TENT5C: variants seen among roughly 807,000 people sequenced by gnomAD.
TENT5C encodes terminal nucleotidyltransferase 5C, also known as family with sequence similarity 46 member C.
A neutral mutation model predicts 22.2 loss-of-function variants in TENT5C; 5 were observed. That is an observed-to-expected ratio of 0.22 (90% CI 0.12 to 0.47). TENT5C has a LOEUF of 0.47. Ranked by LOEUF, TENT5C falls within the 20% of genes least tolerant of loss-of-function variation. TENT5C has a pLI of 0.99. For missense variants in TENT5C, 364 were observed against 500.9 expected (o/e 0.73, Z 2.61); for synonymous variants, 199 against 195.4 (o/e 1.02, Z -0.15).
chr1:117,621,933 G>A (rs1403370003), intron 1 of TENT5C, among the ~76,000 whole-genome samples: 1 of 152,174 alleles, frequency 6.6e-6, no homozygotes, highest in Non-Finnish European at 1.5e-5. Flanking sequence ...ATGAAGTGGT[G>A]TTTTTCTCCT....
intron 1 of TENT5C, among the ~76,000 whole-genome samples, chr1:117,619,915 T>A (rs1653858680): frequency 6.6e-6 from 1 of 152,348 alleles, no homozygotes; most frequent in South Asian, 2.1e-4. Flanking sequence ...ATTGTGGTTT[T>A]GTGATATCTG....
At chr1:117,619,031 G>A (rs531143554) in intron 1 of TENT5C, among the ~76,000 whole-genome samples, 3 of 152,214 alleles carry the variant, frequency 2.0e-5, no homozygotes, top group South Asian at 2.1e-4. Flanking sequence ...AACTGCATGC[G>A]TTTCTGTATT....
intron 1 of TENT5C, among the ~76,000 whole-genome samples, chr1:117,607,088 G>A (rs1263969702): frequency 6.6e-6 from 1 of 152,160 alleles, no homozygotes; most frequent in Non-Finnish European, 1.5e-5. Flanking sequence ...TCAGAGGAGG[G>A]TGACTTACCT....
At chr1:117,609,853 G>A (rs1324930377) in intron 1 of TENT5C, among the ~76,000 whole-genome samples, 1 of 152,172 alleles carries the variant, frequency 6.6e-6, no homozygotes, top group Non-Finnish European at 1.5e-5. Flanking sequence ...TACTTGAAGT[G>A]GGAGTTCTCT....
At chr1:117,617,733 T>C (rs1213295332) in intron 1 of TENT5C, among the ~76,000 whole-genome samples, 1 of 152,226 alleles carries the variant, frequency 6.6e-6, no homozygotes, top group East Asian at 1.9e-4. Context: ...CGTGATTCTT[T>C]TATATGGGGA....
chr1:117,617,697 T>G (rs564915088), intron 1 of TENT5C, among the ~76,000 whole-genome samples: 1 of 152,342 alleles, frequency 6.6e-6, no homozygotes, highest in South Asian at 2.1e-4. Context: ...ACCAGGGCCT[T>G]TCATGAATTG....
At chr1:117,607,147 C>G (rs1355436209) in intron 1 of TENT5C, among the ~76,000 whole-genome samples, 1 of 152,074 alleles carries the variant, frequency 6.6e-6, no homozygotes, top group Non-Finnish European at 1.5e-5. Context: ...CGCTGGCGGG[C>G]GAGAAAACCA....
At chr1:117,620,706 A>AT (rs1288569601) in intron 1 of TENT5C, among the ~76,000 whole-genome samples, 1 of 152,106 alleles carries the variant, frequency 6.6e-6, no homozygotes, top group African/African-American at 2.4e-5. Flanking sequence ...TCAGCAGCAT[A>AT]TTAGATGCTC....
At chr1:117,614,780 A>G (rs1653746517) in intron 1 of TENT5C, among the ~76,000 whole-genome samples, 1 of 152,078 alleles carries the variant, frequency 6.6e-6, no homozygotes, top group African/African-American at 2.4e-5. Context: ...CCCATTCCTG[A>G]TAATCTCCCT....
rs946212225 is a variant in TENT5C, at chr1:117,624,835, T to G, written c.*791T>G. 2.0e-5 allele frequency: 5 copies of G among 247,758 alleles called. No individual in the cohort carries two copies. The highest frequency in any genetic ancestry group is 1.1e-4 in the African/African-American group (5 of 45,360). 15.3% of individuals were successfully genotyped at this position (247,758 alleles called of 1,614,324 possible). A position where few individuals can be genotyped will look rare whatever the true frequency, so the allele number is the denominator to read the frequency against. Reference sequence around the variant, plus strand: ...GGTAGTGGAAGGGGATAATTGTAAATAGGAAACATGAATGTTCATTTTTTT... The same window carrying G: ...GGTAGTGGAAGGGGATAATTGTAAAGAGGAAACATGAATGTTCATTTTTTT... On this transcript the variant is annotated 3_prime_UTR_variant, in exon 2 of 2. Transcript: ENST00000369448.
intron 1 of TENT5C, among the ~76,000 whole-genome samples, chr1:117,616,801 T>C (rs1371416134): frequency 6.6e-6 from 1 of 152,252 alleles, no homozygotes; most frequent in Non-Finnish European, 1.5e-5. Flanking sequence ...TAGTTGCCTC[T>C]GGACTGCTGA....
At chr1:117,606,515 AGT>A (rs1269804402) in intron 1 of TENT5C, among the ~76,000 whole-genome samples, 1 of 152,020 alleles carries the variant, frequency 6.6e-6, no homozygotes, top group Admixed American at 6.5e-5. Flanking sequence ...GCGTCTGAAG[AGT>A]GTGTGATCGG....
rs946256620 is a variant in TENT5C at position 117,626,921 on chromosome 1, T to C, written c.*2877T>C. 1 of 248,072 alleles carries C rather than the reference T, an allele frequency of 4.0e-6. No homozygotes were observed. Among genetic ancestry groups the C allele is most frequent in the Non-Finnish European group, 8.5e-6 (1 of 118,138 alleles). 15.4% of individuals were successfully genotyped at this position (248,072 alleles called of 1,614,324 possible). A position where few individuals can be genotyped will look rare whatever the true frequency, so the allele number is the denominator to read the frequency against. The stretch of plus-strand genomic sequence containing the variant: ...GTGAGATGAAGACAGTACCTTTTCC[T>C]CTCACATTGGCAGAATAGCACGCAC... On this transcript the variant is annotated 3_prime_UTR_variant, in exon 2 of 2. Transcript: ENST00000369448.
Position 117,623,180 on chromosome 1 carries a change from A to G in TENT5C, c.312A>G (p.Glu104=), listed in dbSNP as rs1220632193. The change falls in exon 2 of 2, where the codon GAA becomes GAG. Residue 104 remains glutamate, a synonymous_variant. Coordinates refer to ENST00000369448, the MANE Select transcript of TENT5C (RefSeq NM_017709.4). The part of the protein sequence containing the change: ...IFHVALPTEA[E]FQLVRDVVLC... ...ATGTGGCTCTTCCAACAGAGGCAGA[A>G]TTTCAGCTGGTTAGAGATGTGGTTC... The G allele has an allele frequency of 6.2e-7, 1 of 1,614,208 alleles. No homozygotes were observed. The highest frequency in any genetic ancestry group is 2.2e-5 in the East Asian group (1 of 44,880).
chr1:117,627,635 A>C lies in TENT5C; in HGVS notation c.*3591A>C, dbSNP rs1654039619. Reference sequence around the variant, plus strand: ...TTCTGGGTGGACTTTGTAAGAATCCAGTTTCCAAGGTTAGATTCACATCCT... The same window carrying C: ...TTCTGGGTGGACTTTGTAAGAATCCCGTTTCCAAGGTTAGATTCACATCCT... On this transcript the variant is annotated 3_prime_UTR_variant, in exon 2 of 2. Transcript: ENST00000369448. 8.1e-6 allele frequency: 2 copies of C among 248,118 alleles called. No individual in the cohort carries two copies. Among genetic ancestry groups the C allele is most frequent in the Non-Finnish European group, 1.7e-5 (2 of 118,112 alleles). The allele number at this position is 248,118 out of a possible 1,614,324, so 15.4% of individuals were successfully genotyped here.
intron 1 of TENT5C, among the ~76,000 whole-genome samples, chr1:117,612,998 G>A (rs3767812): frequency 0.27 from 40,887 of 152,036 alleles, 5,639 homozygotes; most frequent in Admixed American, 0.33. Flanking sequence ...TTACGTGTAA[G>A]CTGAGTCATT....
chr1:117,627,844 C>CTGTG lies in TENT5C; in HGVS notation c.*3817_*3820dup, dbSNP rs71766466. ...AAGGTTAAGATCAGGAAATAAAAGA[C>CTGTG]TGTGTGTGTGTGTGTGTGTGCGTGT... On this transcript the variant is annotated 3_prime_UTR_variant, in exon 2 of 2. Transcript: ENST00000369448. 20 of 238,938 alleles carry CTGTG rather than the reference C, an allele frequency of 8.4e-5. No individual in the cohort carries two copies. Among genetic ancestry groups the CTGTG allele is most frequent in the South Asian group, 5.6e-4 (3 of 5,332 alleles). The allele number at this position is 238,938 out of a possible 1,614,324, so 14.8% of individuals were successfully genotyped here. A position where few individuals can be genotyped will look rare whatever the true frequency, so the allele number is the denominator to read the frequency against.
chr1:117,611,013 C>CT (rs1355267771), intron 1 of TENT5C, among the ~76,000 whole-genome samples: 1 of 152,216 alleles, frequency 6.6e-6, no homozygotes, highest in East Asian at 1.9e-4. Flanking sequence ...CATCTCTCAA[C>CT]TTGTTTAGCC....
chr1:117,607,532 T>TA (rs1320781340), intron 1 of TENT5C, among the ~76,000 whole-genome samples: 1 of 152,150 alleles, frequency 6.6e-6, no homozygotes, highest in South Asian at 2.1e-4. Flanking sequence ...GCCCAGGAAA[T>TA]AAAGTTAGGG....
Sources: gnomAD v4.1 joint callset for allele counts (sites outside exome capture counted in the v4.1 genomes callset) on GRCh38, gnomAD v4.1.1 for gene constraint, MANE v1.5 for transcripts, NCBI Gene and HGNC (gene_info 2026-07-23, HGNC 2026-07-21) for gene names.